Variants in ZBTB7A observed in about 807,000 individuals in gnomAD.
ZBTB7A encodes zinc finger and BTB domain containing 7A.
Under a neutral mutation model 26.7 loss-of-function variants are expected in ZBTB7A, and 7 were observed. The observed-to-expected ratio is 0.26, with a 90% CI of 0.15 to 0.49. ZBTB7A has a LOEUF of 0.49. Ranked by LOEUF, ZBTB7A falls within the 20% of genes least tolerant of loss-of-function variation. The pLI is 0.98. For synonymous variants in ZBTB7A, 452 were observed against 441.0 expected, an observed-to-expected ratio of 1.02 and a Z score of -0.31; for missense variants, 617 against 919.5, an observed-to-expected ratio of 0.67 and a Z score of 4.25.
intron 1 of ZBTB7A, among the ~76,000 whole-genome samples, chr19:4,063,012 C>G (rs2040655368): frequency 6.6e-6 from 1 of 150,500 alleles, no homozygotes; most frequent in Non-Finnish European, 1.5e-5. Context: ...CCACCCAAGG[C>G]TCACCCCCAC....
intron 2 of ZBTB7A, 134 bp downstream of exon 2, chr19:4,053,835 CTG>C: frequency 1.0e-6 from 1 of 991,964 alleles, no homozygotes; most frequent in Non-Finnish European, 1.5e-6. Flanking sequence ...GTGTACGTGT[CTG>C]TGTGCACGTG....
Position 4,054,133 on chromosome 19 carries a change from G to A in ZBTB7A, c.1100C>T (p.Ala367Val). The A allele has an allele frequency of 6.2e-7, 1 of 1,606,200 alleles. No individual in the cohort carries two copies. Among genetic ancestry groups the A allele is most frequent in the Non-Finnish European group, 8.5e-7 (1 of 1,179,838 alleles). ...SGAHDGDVYP[A>V]WSQKVEKKIR... ...CTTCTTCTCCACCTTCTGCGACCAG[G>A]CCGGGTAGACGTCGCCGTCGTGGGC... The change falls in exon 2 of 3, where the codon GCC (alanine) becomes GTC (valine). Residue 367 changes from alanine (A) to valine (V), a missense_variant. Ala to Val is a moderately conservative substitution (Grantham distance 64, BLOSUM62 0). Transcript: ENST00000322357.
intron 1 of ZBTB7A, among the ~76,000 whole-genome samples, chr19:4,060,710 C>T (rs577623553): frequency 2.8e-4 from 42 of 152,296 alleles, no homozygotes; most frequent in East Asian, 9.6e-4. Context: ...GAAGGGGGAC[C>T]GGCAGAGAGG....
chr19:4,055,323 G>A, intron 1 of ZBTB7A, 76 bp from the exon 2 acceptor site: 2 of 1,422,524 alleles, frequency 1.4e-6, no homozygotes, highest in East Asian at 5.2e-5. Flanking sequence ...AAGGGCCCGA[G>A]GCCCTTGAGA....
In ZBTB7A at chr19:4,055,035, G is replaced by A; in HGVS notation, c.198C>T (p.Gly66=). The change falls in exon 2 of 3, where the codon GGC becomes GGT. Residue 66 remains glycine (G), a synonymous_variant. Coordinates refer to ENST00000322357, the MANE Select transcript of ZBTB7A (RefSeq NM_015898.4). The part of the protein sequence containing the change: ...SQYFKKLFTS[G]AVVDQQNVYE... ...ACACGTTCTGCTGGTCCACCACGGC[G>A]CCCGACGTGAACAGCTTCTTGAAGT... is the stretch of plus-strand genomic sequence containing the variant. 1 of 1,610,556 alleles carries A rather than the reference G, an allele frequency of 6.2e-7. No homozygotes were observed. Among genetic ancestry groups the A allele is most frequent in the Non-Finnish European group, 8.5e-7 (1 of 1,178,846 alleles).
At position 4,052,564 on chromosome 19, in the gene ZBTB7A, G is replaced by A. The variant is rs969878960; in HGVS notation, c.1262+1407C>T. ...CCCCACGGGGTGGGGTTGGGAAGCT[G>A]GGACAATGGCCTCTTTCTTCAGCCT... On this transcript the variant is annotated intron_variant, in intron 2 of 2. Transcript: ENST00000322357. The surrounding 1 kb of genome is among the most constrained non-coding windows in gnomAD (Gnocchi z 4.9). Among the ~76,000 whole-genome samples, 3 of 152,240 alleles carry A rather than the reference G, an allele frequency of 2.0e-5. No homozygotes were observed. Among genetic ancestry groups the A allele is most frequent in the South Asian group, 2.1e-4 (1 of 4,824 alleles).
intron 2 of ZBTB7A, among the ~76,000 whole-genome samples, chr19:4,049,175 T>TATATATATATATATAC (rs1420590963): frequency 3.9e-4 from 4 of 10,362 alleles, no homozygotes; most frequent in African/African-American, 1.4e-3. Context: ...TGTGTATATA[T>TATATATATATATATAC]ATATATATAT....
intron 1 of ZBTB7A, 93 bp from the exon 2 acceptor site, chr19:4,055,340 G>A (rs2040566478): frequency 2.1e-6 from 3 of 1,413,528 alleles, no homozygotes; most frequent in Non-Finnish European, 2.8e-6. Context: ...GAGAAGCAGC[G>A]TTCCACCCTG....
rs1236246683 is a variant in ZBTB7A at position 4,045,291 on chromosome 19, G to A, written c.*2461C>T. The A allele has an allele frequency of 6.6e-6, 1 of 152,186 alleles. No individual in the cohort carries two copies. The highest frequency in any genetic ancestry group is 1.5e-5 in the Non-Finnish European group (1 of 68,078). The allele number at this position is 152,186 out of a possible 1,614,324, so 9.4% of individuals were successfully genotyped here. ...GTGGAAAGAGGGCTCACCCCTCAGG[G>A]GGCCTCTCTGGGAGCTGGGGAGGGG... On this transcript the variant is annotated 3_prime_UTR_variant, in exon 3 of 3. Coordinates refer to ENST00000322357, the MANE Select transcript of ZBTB7A (RefSeq NM_015898.4). This position sits in a 1 kb window ranked among gnomAD's most constrained non-coding sequence, Gnocchi z 4.1.
At chr19:4,058,479 C>T (rs535555646) in intron 1 of ZBTB7A, among the ~76,000 whole-genome samples, 1 of 152,314 alleles carries the variant, frequency 6.6e-6, no homozygotes, top group Non-Finnish European at 1.5e-5. Flanking sequence ...ACTCATCCAC[C>T]CACTCGGAGC....
intron 1 of ZBTB7A, among the ~76,000 whole-genome samples, chr19:4,065,915 G>A (rs1187526315): frequency 1.4e-5 from 2 of 141,726 alleles, no homozygotes; most frequent in African/African-American, 2.5e-5. Flanking sequence ...CCCCTGGCGG[G>A]CTGGCCCCGC....
At chr19:4,056,866 TA>T (rs1191402485) in intron 1 of ZBTB7A, among the ~76,000 whole-genome samples, 34 of 132,208 alleles carry the variant, frequency 2.6e-4, no homozygotes, top group South Asian at 2.4e-4. Context: ...GACTCCGTCT[TA>T]AAAAAAAAAA....
Position 4,044,443 on chromosome 19 carries a change from C to T in ZBTB7A, c.*3309G>A, listed in dbSNP as rs1385011572. Reference sequence around the variant, plus strand: ...GGCGTCGGGGGGCAGAGGCAGGTAGCAGCAACAGCTAGTAGCAAAGATGCT... The same window carrying T: ...GGCGTCGGGGGGCAGAGGCAGGTAGTAGCAACAGCTAGTAGCAAAGATGCT... On this transcript the variant is annotated 3_prime_UTR_variant, in exon 3 of 3. Transcript: ENST00000322357. 6.7e-6 allele frequency: 1 copy of T among 149,444 alleles called. No individual in the cohort carries two copies. Among genetic ancestry groups the T allele is most frequent in the Non-Finnish European group, 1.5e-5 (1 of 67,560 alleles). The allele number at this position is 149,444 out of a possible 1,614,324, so 9.3% of individuals were successfully genotyped here.
At chr19:4,053,025 A>C (rs1480088573) in intron 2 of ZBTB7A, among the ~76,000 whole-genome samples, 1 of 152,232 alleles carries the variant, frequency 6.6e-6, no homozygotes, top group Non-Finnish European at 1.5e-5. Flanking sequence ...GCTCACGGGA[A>C]ACTCAGAAGC....
intron 2 of ZBTB7A, among the ~76,000 whole-genome samples, chr19:4,053,762 G>A (rs2040533875): frequency 6.6e-6 from 1 of 151,682 alleles, no homozygotes; most frequent in Admixed American, 6.6e-5. Context: ...GTATATATGT[G>A]CAAGTGCGTG....
At chr19:4,051,742 T>A (rs73534132) in intron 2 of ZBTB7A, among the ~76,000 whole-genome samples, 6,077 of 152,304 alleles carry the variant, frequency 0.04, 397 homozygotes, top group African/African-American at 0.14. Context: ...ACAGAGGGGA[T>A]GGCAGCCACT....
Position 4,044,234 on chromosome 19 carries a change from T to G in ZBTB7A, c.*3518A>C, listed in dbSNP as rs1240890998. The G allele has an allele frequency of 6.6e-6, 1 of 151,934 alleles. No homozygotes were observed. Among genetic ancestry groups the G allele is most frequent in the African/African-American group, 2.4e-5 (1 of 41,256 alleles). 9.4% of individuals were successfully genotyped at this position (151,934 alleles called of 1,614,324 possible). A position where few individuals can be genotyped will look rare whatever the true frequency, so the allele number is the denominator to read the frequency against. On this transcript the variant is annotated 3_prime_UTR_variant, in exon 3 of 3. Coordinates refer to ENST00000322357, the MANE Select transcript of ZBTB7A (RefSeq NM_015898.4). ...GCAAAAAGACAGTGACAGGACTGCA[T>G]GGCCACAATGGTGGGGGGGCAGACT...
chr19:4,060,713 C>T (rs1332999769), intron 1 of ZBTB7A, among the ~76,000 whole-genome samples: 1 of 152,186 alleles, frequency 6.6e-6, no homozygotes, highest in African/African-American at 2.4e-5. Context: ...GGGGGACCGG[C>T]AGAGAGGAGG....
Position 4,054,774 on chromosome 19 carries a change from G to A in ZBTB7A, c.459C>T (p.Asn153=). ...LDLVDQIDQR[N]LLRAKEYLEF... is the part of the protein sequence containing the mutation. ...CGAGGTACTCCTTGGCGCGGAGGAG[G>A]TTGCGCTGATCAATTTGATCTACAA... Residue 153 remains asparagine (N), a synonymous_variant, in exon 2 of 3, where the codon AAC becomes AAT. Coordinates refer to ENST00000322357, the MANE Select transcript of ZBTB7A (RefSeq NM_015898.4). 1.3e-6 allele frequency: 2 copies of A among 1,578,274 alleles called. No individual in the cohort carries two copies. The highest frequency in any genetic ancestry group is 1.7e-6 in the Non-Finnish European group (2 of 1,161,540).
Sources: gnomAD v4.1 joint callset for allele counts (sites outside exome capture counted in the v4.1 genomes callset) on GRCh38, gnomAD v4.1.1 for gene constraint, Gnocchi (gnomAD v3.1) non-coding constraint, MANE v1.5 for transcripts, NCBI Gene and HGNC (gene_info 2026-07-23, HGNC 2026-07-21) for gene names.